Variants in KCNQ1 observed in about 807,000 individuals in gnomAD.
KCNQ1 encodes the protein potassium voltage-gated channel subfamily Q member 1, also known as potassium voltage-gated channel subfamily KQT member 1.
KCNQ1 carries 49 observed loss-of-function variants against 72.4 expected under a neutral mutation model. That is an observed-to-expected ratio of 0.68 (90% confidence interval 0.54 to 0.86). KCNQ1 has a LOEUF of 0.86. KCNQ1 is among the 40% of genes least tolerant of loss of function. KCNQ1 has a pLI of 0.00. For missense variants in KCNQ1, 790 were observed against 945.1 expected, an observed-to-expected ratio of 0.84 and a Z score of 2.15; for synonymous variants, 450 against 412.6, an observed-to-expected ratio of 1.09 and a Z score of -1.10.
rs3831584 is a variant in KCNQ1 at position 2,682,475 on chromosome 11, C to CGAGTGAGTGAGT, written c.1514+20415_1514+20426dup. ...TCACGGACCCTCAGTGAATGTTTGA[C>CGAGTGAGTGAGT]GAGTGAGTGAGTGAGTGAGTGAGTG... On this transcript the variant is annotated intron_variant, in intron 11 of 15. Coordinates refer to ENST00000155840, the MANE Select transcript of KCNQ1 (RefSeq NM_000218.3). The surrounding 1 kb of genome is among the most constrained non-coding windows in gnomAD (Gnocchi z 5.8). The CGAGTGAGTGAGT allele has an allele frequency of 0.11, 41,633 of 393,992 alleles. 2,338 individuals are homozygous for CGAGTGAGTGAGT. The highest frequency in any genetic ancestry group is 0.16 in the African/African-American group (7,604 of 47,778). The allele number at this position is 393,992 out of a possible 1,614,324, so 24.4% of individuals were successfully genotyped here.
rs141411880 is a variant in KCNQ1, at chr11:2,549,319, C to T, written c.477+21301C>T. 1.3e-4 allele frequency among the ~76,000 whole-genome samples: 20 copies of T among 152,254 alleles called. No individual in the cohort carries two copies. Among genetic ancestry groups the T allele is most frequent in the East Asian group, 3.9e-4 (2 of 5,170 alleles). On this transcript the variant is annotated intron_variant, in intron 2 of 15. Transcript: ENST00000155840. This position sits in a 1 kb window ranked among gnomAD's most constrained non-coding sequence, Gnocchi z 6.2. ...GACATGTGGGCCAGGGTGCGGGGTG[C>T]GGGACAAACCTGGGTCCAGGCACCT...
In KCNQ1 at chr11:2,544,225, CAT is replaced by C. The variant is rs140847140; in HGVS notation, c.477+16218_477+16219del. Among the ~76,000 whole-genome samples, 754 of 137,050 alleles carry C rather than the reference CAT, an allele frequency of 5.5e-3. 10 individuals are homozygous for C. Among genetic ancestry groups the C allele is most frequent in the African/African-American group, 0.021 (683 of 32,434 alleles). The allele number at this position is 137,050 out of a possible 152,430, so 89.9% of individuals were successfully genotyped here. A position where few individuals can be genotyped will look rare whatever the true frequency, so the allele number is the denominator to read the frequency against. On this transcript the variant is annotated intron_variant, in intron 2 of 15. Coordinates refer to ENST00000155840, the MANE Select transcript of KCNQ1 (RefSeq NM_000218.3). This position sits in a 1 kb window ranked among gnomAD's most constrained non-coding sequence, Gnocchi z 4.4. ...CTCTGATCAATGAGATTATCTATCT[CAT>C]ATATATATATGTGTGTGTGTGTATA...
rs1848697346 is a variant in KCNQ1, at chr11:2,593,567, C to T, written c.1393+4713C>T. ...TGACCTGGGACTATTGTGTGGTTTC[C>T]CGTTTGTGAAGTGGGGCAGCGTGCT... On this transcript the variant is annotated intron_variant, in intron 10 of 15. Transcript: ENST00000155840. The surrounding 1 kb of genome is among the most constrained non-coding windows in gnomAD (Gnocchi z 6.9). Among the ~76,000 whole-genome samples the T allele has an allele frequency of 6.6e-6, 1 of 152,150 alleles. No individual in the cohort carries two copies. The highest frequency in any genetic ancestry group is 1.5e-5 in the Non-Finnish European group (1 of 68,032).
intron 15 of KCNQ1, among the ~76,000 whole-genome samples, chr11:2,796,509 T>C (rs1226785514): frequency 6.6e-6 from 1 of 152,096 alleles, no homozygotes; most frequent in Non-Finnish European, 1.5e-5. Flanking sequence ...CCCAGGCCTA[T>C]CATGGGGCCT....
At chr11:2,644,551 A>T (rs1401111289) in intron 10 of KCNQ1, 2 of 398,094 alleles carry the variant, frequency 5.0e-6, no homozygotes, top group East Asian at 7.1e-5. Flanking sequence ...AGGTTTCATC[A>T]ATTTCTTTTT....
rs1846417906 is a variant in KCNQ1, at chr11:2,762,480, C to T, written c.1515-6364C>T. Among the ~76,000 whole-genome samples the T allele has an allele frequency of 1.3e-5, 2 of 152,168 alleles. No homozygotes were observed. Among genetic ancestry groups the T allele is most frequent in the Admixed American group, 6.5e-5 (1 of 15,278 alleles). ...AAAGCGTATCCTTCCGCCAGCTCGACGGCAAAGGCGTCTTTTCTATGAACC... is the reference window on the plus strand; with the variant it reads ...AAAGCGTATCCTTCCGCCAGCTCGATGGCAAAGGCGTCTTTTCTATGAACC... On this transcript the variant is annotated intron_variant, in intron 11 of 15. Transcript: ENST00000155840. The surrounding 1 kb of genome is among the most constrained non-coding windows in gnomAD (Gnocchi z 4.3).
At chr11:2,465,243 C>T (rs556894453) in intron 1 of KCNQ1, among the ~76,000 whole-genome samples, 41 of 152,312 alleles carry the variant, frequency 2.7e-4, no homozygotes, top group Admixed American at 1.7e-3. Context: ...CACTGCAGTG[C>T]GACCTCCTGG....
chr11:2,596,064 G>A (rs981827262), intron 10 of KCNQ1, among the ~76,000 whole-genome samples: 1 of 152,178 alleles, frequency 6.6e-6, no homozygotes, highest in Non-Finnish European at 1.5e-5. Flanking sequence ...ATTAGAAGTG[G>A]AGCCTGAAGA....
At position 2,544,293 on chromosome 11, in the gene KCNQ1, T is replaced by TATATAC. The variant is rs796223106; in HGVS notation, c.477+16275_477+16276insATATAC. On this transcript the variant is annotated intron_variant, in intron 2 of 15. Transcript: ENST00000155840. The surrounding 1 kb of genome is among the most constrained non-coding windows in gnomAD (Gnocchi z 4.4). Reference sequence around the variant, plus strand: ...GTGTATATATATGTGTATATATATATGTATATATGTGTATATATGTATATA... The same window carrying TATATAC: ...GTGTATATATATGTGTATATATATATATATACGTATATATGTGTATATATGTATATA... 0.22 allele frequency among the ~76,000 whole-genome samples: 29,001 copies of TATATAC among 132,848 alleles called. 4,076 individuals are homozygous for TATATAC. Among genetic ancestry groups the TATATAC allele is most frequent in the African/African-American group, 0.39 (11,759 of 30,062 alleles). The allele number at this position is 132,848 out of a possible 152,430, so 87.2% of individuals were successfully genotyped here.
rs1850190591 is a variant in KCNQ1 at position 2,671,941 on chromosome 11, T to C, written c.1514+9860T>C. The C allele has an allele frequency of 2.5e-6, 1 of 398,654 alleles. No homozygotes were observed. The highest frequency in any genetic ancestry group is 4.4e-6 in the Non-Finnish European group (1 of 226,094). The allele number at this position is 398,654 out of a possible 1,614,324, so 24.7% of individuals were successfully genotyped here. ...TGCTTCCTCAGGCAGCTAGTCTCTG[T>C]ATCTGGGGTAGAAAGAGTGGGCTAA... On this transcript the variant is annotated intron_variant, in intron 11 of 15. Coordinates refer to ENST00000155840, the MANE Select transcript of KCNQ1 (RefSeq NM_000218.3). The surrounding 1 kb of genome is among the most constrained non-coding windows in gnomAD (Gnocchi z 4.7).
chr11:2,812,402 G>A (rs1214361425), intron 15 of KCNQ1, among the ~76,000 whole-genome samples: 3 of 152,096 alleles, frequency 2.0e-5, no homozygotes, highest in African/African-American at 7.2e-5. Flanking sequence ...CCCTGGCAGT[G>A]CTCGGGGGCT....
intron 11 of KCNQ1, chr11:2,697,083 T>G (rs78344341): frequency 0.015 from 5,814 of 398,580 alleles, 205 homozygotes; most frequent in East Asian, 0.096. Flanking sequence ...TACTCGACAT[T>G]ATTTGCCTTT....
chr11:2,548,125 A>G (rs1219164286), intron 2 of KCNQ1, among the ~76,000 whole-genome samples: 1 of 152,156 alleles, frequency 6.6e-6, no homozygotes, highest in Non-Finnish European at 1.5e-5. Context: ...TCTGACTGGT[A>G]GAGGCCAGGC....
In KCNQ1 at chr11:2,654,413, G is replaced by A. The variant is rs1410277176; in HGVS notation, c.1394-7548G>A. 1 of 398,556 alleles carries A rather than the reference G, an allele frequency of 2.5e-6. No homozygotes were observed. Among genetic ancestry groups the A allele is most frequent in the Non-Finnish European group, 4.4e-6 (1 of 226,146 alleles). 24.7% of individuals were successfully genotyped at this position (398,556 alleles called of 1,614,324 possible). A position where few individuals can be genotyped will look rare whatever the true frequency, so the allele number is the denominator to read the frequency against. ...GGAACTCGCCTGTGCCAAACCCTGG[G>A]GAGACATGGGTGAGGCAGAAGGCAA... On this transcript the variant is annotated intron_variant, in intron 10 of 15. Coordinates refer to ENST00000155840, the MANE Select transcript of KCNQ1 (RefSeq NM_000218.3). This position sits in a 1 kb window ranked among gnomAD's most constrained non-coding sequence, Gnocchi z 6.4.
At position 2,536,746 on chromosome 11, in the gene KCNQ1, A is replaced by G. The variant is rs1330989551; in HGVS notation, c.477+8728A>G. ...CCAGCCACGTGGGTCGCGAGAGTCG[A>G]CCTGGGCTGCGTGATGGGGGACCCC... On this transcript the variant is annotated intron_variant, in intron 2 of 15. Transcript: ENST00000155840. The surrounding 1 kb of genome is among the most constrained non-coding windows in gnomAD (Gnocchi z 7.4). Among the ~76,000 whole-genome samples, 1 of 150,736 alleles carries G rather than the reference A, an allele frequency of 6.6e-6. No individual in the cohort carries two copies. The highest frequency in any genetic ancestry group is 2.5e-5 in the African/African-American group (1 of 40,162).
rs1847729642 is a variant in KCNQ1 at position 2,536,222 on chromosome 11, G to T, written c.477+8204G>T. 6.6e-6 allele frequency among the ~76,000 whole-genome samples: 1 copy of T among 152,218 alleles called. No homozygotes were observed. Among genetic ancestry groups the T allele is most frequent in the African/African-American group, 2.4e-5 (1 of 41,462 alleles). The stretch of plus-strand genomic sequence containing the variant: ...GGGCCGCGGCTCCACGGTGTTAAGG[G>T]ATTCTAGAAATTTCCTGCTGTGCCA... On this transcript the variant is annotated intron_variant, in intron 2 of 15. Coordinates refer to ENST00000155840, the MANE Select transcript of KCNQ1 (RefSeq NM_000218.3). The surrounding 1 kb of genome is among the most constrained non-coding windows in gnomAD (Gnocchi z 7.4).
intron 2 of KCNQ1, among the ~76,000 whole-genome samples, chr11:2,561,185 A>G (rs1848160369): frequency 6.7e-6 from 1 of 148,354 alleles, no homozygotes; most frequent in Admixed American, 6.9e-5. Context: ...CCTGGGCGAC[A>G]GCGAGACTCC....
At chr11:2,461,635 C>T (rs543649009) in intron 1 of KCNQ1, 41 of 1,365,574 alleles carry the variant, frequency 3.0e-5, no homozygotes, top group Middle Eastern at 2.1e-4. Flanking sequence ...TTCTGGCTCT[C>T]GGGAATTTGA....
chr11:2,655,951 G>A (rs1006919672), intron 10 of KCNQ1: 54 of 398,578 alleles, frequency 1.4e-4, no homozygotes, highest in African/African-American at 2.3e-4. Context: ...CTCTCTGGCA[G>A]GTGCAGGTCC....
Sources: gnomAD v4.1 joint callset for allele counts (sites outside exome capture counted in the v4.1 genomes callset) on GRCh38, gnomAD v4.1.1 for gene constraint, Gnocchi (gnomAD v3.1) non-coding constraint, MANE v1.5 for transcripts, NCBI Gene and HGNC (gene_info 2026-07-23, HGNC 2026-07-21) for gene names.